SVIL: variants seen among roughly 807,000 people sequenced by gnomAD.
SVIL encodes supervillin.
SVIL carries 101 observed loss-of-function variants against 240.4 expected under a neutral mutation model. The observed-to-expected ratio is 0.42, with a 90% CI of 0.36 to 0.50. SVIL has a LOEUF of 0.50. Among genes scored for constraint, SVIL ranks in the 20% least tolerant of loss-of-function variants. The probability of loss-of-function intolerance (pLI) is 0.01; values close to 1 mark genes in which losing one functional copy is unlikely to be tolerated. For missense variants in SVIL, 2,512 were observed against 2,818.7 expected (o/e 0.89, Z 2.46); for synonymous variants, 999 against 1,100.0 (o/e 0.91, Z 1.82).
intron 16 of SVIL, among the ~76,000 whole-genome samples, chr10:29,515,153 G>A (rs186197394): frequency 3.5e-4 from 54 of 152,292 alleles, no homozygotes; most frequent in African/African-American, 1.3e-3. Flanking sequence ...CTCTAGAACT[G>A]GGGTAAGGCT....
intron 1 of SVIL, among the ~76,000 whole-genome samples, chr10:29,699,363 G>A (rs2132638722): frequency 6.6e-6 from 1 of 151,796 alleles, no homozygotes; most frequent in East Asian, 1.9e-4. Flanking sequence ...GAAATGCAGT[G>A]CAATCTTGGC....
At chr10:29,600,454 T>C (rs887685263) in intron 1 of SVIL, among the ~76,000 whole-genome samples, 1 of 152,142 alleles carries the variant, frequency 6.6e-6, no homozygotes, top group Admixed American at 6.5e-5. Flanking sequence ...CATGGGAATT[T>C]TTTTAAAGTT....
At chr10:29,670,904 C>A (rs961959992) in intron 2 of SVIL, 1 of 152,216 alleles carries the variant, frequency 6.6e-6, no homozygotes, top group East Asian at 1.9e-4. Flanking sequence ...ATTGGAGTAA[C>A]TGTGGCTGGC....
chr10:29,529,758 C>A lies in SVIL; in HGVS notation c.2193G>T (p.Gln731His), dbSNP rs767656039. The A allele has an allele frequency of 5.0e-6, 8 of 1,613,706 alleles. No individual in the cohort carries two copies. In the African/African-American group the frequency reaches 1.1e-4, roughly 22 times the overall value. Residue 731 changes from glutamine to histidine, a missense_variant, in exon 12 of 38, where the codon CAG becomes CAT. By Grantham distance (24) the Gln-to-His change is conservative. Coordinates refer to ENST00000355867, the MANE Select transcript of SVIL (RefSeq NM_021738.3). The part of the protein sequence containing the change: ...TAVEQRLRRL[Q>H]DRSLTQPITT... ...TGATGGGCTGGGTGAGGGACCTGTC[C>A]TGCAGACGGCGTAGCCTCTGCTCCA...
At chr10:29,557,246 C>T (rs914494137) in intron 3 of SVIL, among the ~76,000 whole-genome samples, 5 of 151,858 alleles carry the variant, frequency 3.3e-5, no homozygotes, top group African/African-American at 1.2e-4. Flanking sequence ...CAGGCATGTG[C>T]CACCACGCCT....
upstream of SVIL, among the ~76,000 whole-genome samples, chr10:29,638,014 T>C (rs1589435601): frequency 6.6e-6 from 1 of 152,198 alleles, no homozygotes; most frequent in Admixed American, 6.5e-5. Flanking sequence ...CTGGAACTCT[T>C]CTATTGGATT....
At position 29,458,490 on chromosome 10, in the gene SVIL, G is replaced by C; in HGVS notation, c.6502C>G (p.Pro2168Ala). 1 of 1,588,806 alleles carries C rather than the reference G, an allele frequency of 6.3e-7. No homozygotes were observed. Among genetic ancestry groups the C allele is most frequent in the Non-Finnish European group, 8.6e-7 (1 of 1,167,660 alleles). The stretch of plus-strand genomic sequence containing the variant: ...AGCTTCAGAGGATCGACCCCCTCCG[G>C]GAGTGGCCTGGCCAGGAGGTCGGCC... Reference protein sequence around the residue: ...PLADLLARPLPEGVDPLKLEI... With the variant: ...PLADLLARPLAEGVDPLKLEI... The change falls in exon 37 of 38, where the codon CCG becomes GCG. Residue 2168 changes from proline (P) to alanine (A), a missense_variant. Coordinates refer to ENST00000355867, the MANE Select transcript of SVIL (RefSeq NM_021738.3).
intron 2 of SVIL, among the ~76,000 whole-genome samples, chr10:29,658,264 C>G (rs1235464103): frequency 6.6e-6 from 1 of 152,180 alleles, no homozygotes; most frequent in African/African-American, 2.4e-5. Flanking sequence ...TCTTTTTAAA[C>G]CTCTTATAAA....
intron 3 of SVIL, among the ~76,000 whole-genome samples, chr10:29,655,436 G>A (rs1958969979): frequency 6.6e-6 from 1 of 152,194 alleles, no homozygotes; most frequent in Non-Finnish European, 1.5e-5. Context: ...AGGAAACAGA[G>A]CCAGAAGACC....
chr10:29,461,429 C>G (rs1944249229), intron 36 of SVIL, among the ~76,000 whole-genome samples: 1 of 152,092 alleles, frequency 6.6e-6, no homozygotes, highest in African/African-American at 2.4e-5. Flanking sequence ...TCTGTACTAC[C>G]CAACAGGCCC....
intron 1 of SVIL, among the ~76,000 whole-genome samples, chr10:29,697,258 C>T (rs1015592138): frequency 6.8e-5 from 5 of 73,082 alleles, no homozygotes; most frequent in African/African-American, 2.3e-4. Context: ...TCTGCCCGGC[C>T]GCCCCTACTG....
intron 1 of SVIL, among the ~76,000 whole-genome samples, chr10:29,589,202 C>T (rs902591102): frequency 2.0e-5 from 3 of 152,220 alleles, no homozygotes; most frequent in Non-Finnish European, 4.4e-5. Flanking sequence ...TGGAAAGCAG[C>T]GTTGGGAAAC....
At chr10:29,691,402 G>A (rs1412520193) in intron 1 of SVIL, among the ~76,000 whole-genome samples, 1 of 151,860 alleles carries the variant, frequency 6.6e-6, no homozygotes, top group Non-Finnish European at 1.5e-5. Context: ...TAGTAGAGAC[G>A]GTGTTTCACC....
chr10:29,616,465 C>G (rs1302013612), intron 1 of SVIL, among the ~76,000 whole-genome samples: 1 of 152,160 alleles, frequency 6.6e-6, no homozygotes, highest in Non-Finnish European at 1.5e-5. Flanking sequence ...AAGACAGATT[C>G]CAATAAACAA....
At chr10:29,678,556 C>G (rs1213237550) in intron 2 of SVIL, among the ~76,000 whole-genome samples, 1 of 152,214 alleles carries the variant, frequency 6.6e-6, no homozygotes, top group Non-Finnish European at 1.5e-5. Context: ...AGTACTGATC[C>G]ATGGCCCAGG....
chr10:29,617,993 A>G (rs943050350), intron 1 of SVIL, among the ~76,000 whole-genome samples: 3 of 152,248 alleles, frequency 2.0e-5, no homozygotes, highest in African/African-American at 7.2e-5. Flanking sequence ...ATATGAAAAC[A>G]TCCTGCAGCC....
At position 29,679,570 on chromosome 10, in the gene SVIL, T is replaced by G. The variant is rs1960468147; in HGVS notation, c.-301+6983A>C. On this transcript the variant is annotated intron_variant, in intron 2 of 35. Coordinates refer to the SVIL transcript ENST00000375400. ...TCTTTTTTCTTTTCCTTTTTTTTTT[T>G]TGAGATGGGGGTCCCACTCTGTTGC... Among the ~76,000 whole-genome samples, 5 of 151,542 alleles carry G rather than the reference T, an allele frequency of 3.3e-5. No individual in the cohort carries two copies. In the South Asian group the frequency reaches 8.4e-4, roughly 25 times the overall value.
chr10:29,630,867 G>A lies in SVIL; in HGVS notation c.-201+3553C>T, dbSNP rs1355245448. ...TTTCGATATGAAGAACCCACAAGTC[G>A]TTACAATTCAATCCGTTCAAACAAC... On this transcript the variant is annotated intron_variant, in intron 1 of 37. Coordinates refer to ENST00000355867, the MANE Select transcript of SVIL (RefSeq NM_021738.3). Among the ~76,000 whole-genome samples, 7 of 152,236 alleles carry A rather than the reference G, an allele frequency of 4.6e-5. No individual in the cohort carries two copies. The South Asian group carries it at 8.3e-4, about 18-fold the overall frequency.
rs770324390 is a variant in SVIL, at chr10:29,531,261, A to T, written c.2037T>A (p.Thr679=). ...DRCTSHSETP[T]VDDEEKVDER... ...AGGGAAACAGGTACTTGCCATCGACAGTTGGCGTTTCTGAATGTGAAGTGC... is the reference window on the plus strand; with the variant it reads ...AGGGAAACAGGTACTTGCCATCGACTGTTGGCGTTTCTGAATGTGAAGTGC... Residue 679 remains threonine (T), a synonymous_variant, in exon 10 of 38, where the codon ACT becomes ACA. Transcript: ENST00000355867. 11 of 1,613,960 alleles carry T rather than the reference A, an allele frequency of 6.8e-6. No individual in the cohort carries two copies. The South Asian group carries it at 1.1e-4, about 16-fold the overall frequency.
Sources: allele counts gnomAD v4.1 joint callset (sites outside exome capture counted in the v4.1 genomes callset), GRCh38; gene constraint gnomAD v4.1.1; transcripts MANE v1.5; gene names NCBI Gene and HGNC (gene_info 2026-07-23, HGNC 2026-07-21).